ZNF717: variants seen among roughly 807,000 people sequenced by gnomAD.
ZNF717 encodes krueppel-like factor X17.
ZNF717 carries 9 observed loss-of-function variants against 13.8 expected under a neutral mutation model. The observed-to-expected ratio is 0.65, with a 90% confidence interval of 0.39 to 1.14. The LOEUF (loss-of-function observed/expected upper bound fraction) is 1.14. Ranked by LOEUF, ZNF717 falls within the 50% of genes most tolerant of loss-of-function variation. The probability of loss-of-function intolerance (pLI) is 0.01; values close to 1 mark genes in which losing one functional copy is unlikely to be tolerated. For synonymous variants in ZNF717, 327 were observed against 364.1 expected (o/e 0.90, Z 1.16); for missense variants, 1,040 against 1,080.7 (o/e 0.96, Z 0.53).
At chr3:75,720,602 A>G (rs1329705173) in intron 4 of ZNF717, among the ~76,000 whole-genome samples, 1 of 152,246 alleles carries the variant, frequency 6.6e-6, no homozygotes, top group Admixed American at 6.5e-5. Context: ...ATACCCTTAT[A>G]ACAAATCTGC....
intron 2 of ZNF717, among the ~76,000 whole-genome samples, chr3:75,768,731 T>A (rs1943685283): frequency 6.7e-6 from 1 of 149,072 alleles, no homozygotes; most frequent in African/African-American, 2.5e-5. Context: ...GGGGGGTAGA[T>A]GACAGGCCAC....
At chr3:75,751,236 TC>T (rs1172657574) in intron 2 of ZNF717, among the ~76,000 whole-genome samples, 2 of 151,834 alleles carry the variant, frequency 1.3e-5, no homozygotes, top group Non-Finnish European at 2.9e-5. Context: ...CACATAGGAT[TC>T]CAGAACTCTC....
At chr3:75,730,797 A>G (rs998447312) in intron 5 of ZNF717, among the ~76,000 whole-genome samples, 14 of 129,836 alleles carry the variant, frequency 1.1e-4, no homozygotes, top group African/African-American at 3.8e-4. Flanking sequence ...AGTTTATTTC[A>G]CAAATTAAGA....
intron 2 of ZNF717, among the ~76,000 whole-genome samples, chr3:75,748,663 A>C (rs1371572706): frequency 6.6e-6 from 1 of 152,180 alleles, no homozygotes; most frequent in African/African-American, 2.4e-5. Context: ...AAAAACTCTC[A>C]ATGAATTAGG....
intron 2 of ZNF717, among the ~76,000 whole-genome samples, chr3:75,773,310 C>T (rs980406290): frequency 2.0e-5 from 3 of 152,180 alleles, no homozygotes; most frequent in Non-Finnish European, 4.4e-5. Context: ...CTGGCTAATA[C>T]GTTAGGCCTG....
rs2107115734 is a variant in ZNF717, at chr3:75,738,705, A to T, written c.918T>A (p.Thr306=). ...SDLMLQCKMP[T]EEKPYACNWC... ...AGTTACAGGCATAAGGTTTTTCCTCAGTAGGCATCTTGCACTGTAGCATAA... is the reference window on the plus strand; with the variant it reads ...AGTTACAGGCATAAGGTTTTTCCTCTGTAGGCATCTTGCACTGTAGCATAA... Residue 306 remains threonine (T), a synonymous_variant, in exon 5 of 5, where the codon ACT becomes ACA. Coordinates refer to ENST00000652011, the MANE Select transcript of ZNF717 (RefSeq NM_001290208.3). 1.3e-6 allele frequency: 2 copies of T among 1,551,826 alleles called. No homozygotes were observed. The highest frequency in any genetic ancestry group is 1.7e-6 in the Non-Finnish European group (2 of 1,147,132).
Position 75,784,511 on chromosome 3 carries a change from A to G in ZNF717, c.-3+873T>C, listed in dbSNP as rs58732852. Among the ~76,000 whole-genome samples the G allele has an allele frequency of 7.5e-3, 1,147 of 152,348 alleles. 19 individuals carry two copies. Among genetic ancestry groups the G allele is most frequent in the African/African-American group, 0.026 (1,078 of 41,582 alleles). On this transcript the variant is annotated intron_variant, in intron 1 of 4. Coordinates refer to ENST00000652011, the MANE Select transcript of ZNF717 (RefSeq NM_001290208.3). ...GTTTAATATATCTCAAACGCTGGAA[A>G]CAACGAGGAAAGGTTGAAGGAATGG...
intron 4 of ZNF717, among the ~76,000 whole-genome samples, chr3:75,722,613 G>A (rs1382697782): frequency 1.3e-5 from 2 of 151,730 alleles, no homozygotes; most frequent in Admixed American, 6.6e-5. Flanking sequence ...TCAGGAGTTT[G>A]AGACCAGCCT....
intron 4 of ZNF717, among the ~76,000 whole-genome samples, chr3:75,723,142 T>C (rs947774176): frequency 2.0e-5 from 3 of 152,164 alleles, no homozygotes; most frequent in Admixed American, 6.6e-5. Context: ...TTTTGAAAAA[T>C]TGTCATGTTC....
chr3:75,750,364 T>C (rs1426019984), intron 2 of ZNF717, among the ~76,000 whole-genome samples: 4 of 150,188 alleles, frequency 2.7e-5, no homozygotes, highest in Admixed American at 2.6e-4. Flanking sequence ...TGTTTGTCCC[T>C]CACATAGGAT....
chr3:75,784,137 T>C (rs1424066207), intron 1 of ZNF717, among the ~76,000 whole-genome samples: 2 of 152,180 alleles, frequency 1.3e-5, no homozygotes, highest in Admixed American at 6.5e-5. Flanking sequence ...AACCGCCAGA[T>C]TGTGAAGGAA....
rs1446654927 is a variant in ZNF717, at chr3:75,737,752, C to T, written c.1871G>A (p.Cys624Tyr). The change falls in exon 5 of 5, where the codon TGT becomes TAT. Residue 624 changes from cysteine to tyrosine, a missense_variant. By Grantham distance (194) the Cys-to-Tyr change is radical (BLOSUM62 -2). This residue lies in a region of ZNF717 where 873 missense variants were observed against 832.8 expected (regional missense o/e 1.05). Coordinates refer to ENST00000652011, the MANE Select transcript of ZNF717 (RefSeq NM_001290208.3). ...TGACTTCTGACGAAAGGTTTTTCCACATTCATTACATTCATAGGGTCTTTC... is the reference window on the plus strand; with the variant it reads ...TGACTTCTGACGAAAGGTTTTTCCATATTCATTACATTCATAGGGTCTTTC... ...TGERPYECNE[C>Y]GKTFRQKSNL... 2 of 1,550,850 alleles carry T rather than the reference C, an allele frequency of 1.3e-6. No homozygotes were observed. The highest frequency in any genetic ancestry group is 1.7e-6 in the Non-Finnish European group (2 of 1,146,190).
intron 4 of ZNF717, among the ~76,000 whole-genome samples, chr3:75,723,160 C>A (rs1938201281): frequency 6.6e-6 from 1 of 151,792 alleles, no homozygotes; most frequent in East Asian, 1.9e-4. Flanking sequence ...TTCAAGAACG[C>A]AGATACGTTT....
At chr3:75,744,087 T>C (rs1263935380) in intron 2 of ZNF717, among the ~76,000 whole-genome samples, 4 of 152,244 alleles carry the variant, frequency 2.6e-5, no homozygotes, top group Non-Finnish European at 5.9e-5. Flanking sequence ...AACACTAACA[T>C]TTACACAGGA....
chr3:75,702,291 G>A (rs1254215382), intron 6 of ZNF717, among the ~76,000 whole-genome samples: 330 of 145,460 alleles, frequency 2.3e-3, no homozygotes, highest in African/African-American at 9.1e-3. Context: ...TCAGCTATAA[G>A]AAAGAATGAG....
chr3:75,773,888 A>G (rs561077402), intron 2 of ZNF717, among the ~76,000 whole-genome samples: 1 of 152,314 alleles, frequency 6.6e-6, no homozygotes, highest in East Asian at 1.9e-4. Context: ...CATCTCTACT[A>G]AAAACACAAA....
chr3:75,770,283 G>A (rs547596673), intron 2 of ZNF717, among the ~76,000 whole-genome samples: 13 of 152,330 alleles, frequency 8.5e-5, no homozygotes, highest in African/African-American at 1.2e-4. Context: ...GAAGCAGGCC[G>A]GGCACGGTGG....
At chr3:75,705,615 C>A, downstream of ZNF717, among the ~76,000 whole-genome samples, 1 of 152,196 alleles carries the variant, frequency 6.6e-6, no homozygotes, top group Non-Finnish European at 1.5e-5. Flanking sequence ...CTTCTCCCTC[C>A]CCTTCAAGTC....
intron 6 of ZNF717, among the ~76,000 whole-genome samples, chr3:75,701,369 C>T (rs1284679698): frequency 6.6e-6 from 1 of 152,308 alleles, no homozygotes. Context: ...AACCCATTTC[C>T]TTTATAAATT....
Sources: allele counts gnomAD v4.1 joint callset (sites outside exome capture counted in the v4.1 genomes callset), GRCh38; gene constraint gnomAD v4.1.1; regional missense constraint gnomAD v4.1.1; transcripts MANE v1.5; gene names NCBI Gene and HGNC (gene_info 2026-07-23, HGNC 2026-07-21).